Variants in ZZEF1 observed in about 807,000 individuals in gnomAD.
ZZEF1 encodes zinc finger ZZ-type and EF-hand domain-containing protein 1.
ZZEF1 carries 157 observed loss-of-function variants against 342.8 expected under a neutral mutation model. The observed-to-expected ratio is 0.46, with a 90% CI of 0.40 to 0.52. ZZEF1 has a LOEUF of 0.52. Among genes scored for constraint, ZZEF1 ranks in the 20% least tolerant of loss-of-function variants. The pLI, the probability that ZZEF1 is intolerant of heterozygous loss-of-function variation, is 0.00. For synonymous variants in ZZEF1, 1,505 were observed against 1,429.1 expected, an observed-to-expected ratio of 1.05 and a Z score of -1.20; for missense variants, 3,480 against 3,725.6, an observed-to-expected ratio of 0.93 and a Z score of 1.72.
At position 4,017,591 on chromosome 17, in the gene ZZEF1, T is replaced by A; in HGVS notation, c.7781A>T (p.Glu2594Val). 5 of 1,614,192 alleles carry A rather than the reference T, an allele frequency of 3.1e-6. No individual in the cohort carries two copies. Among genetic ancestry groups the A allele is most frequent in the Non-Finnish European group, 4.2e-6 (5 of 1,180,032 alleles). The change falls in exon 48 of 55, where the codon GAG becomes GTG. Residue 2594 changes from glutamate to valine, a missense_variant. By Grantham distance (121) the Glu-to-Val change is moderately radical. This residue lies in a region of ZZEF1 where 1,269 missense variants were observed against 1,342.4 expected (regional missense o/e 0.95). Coordinates refer to ENST00000381638, the MANE Select transcript of ZZEF1 (RefSeq NM_015113.4). This position sits in a 1 kb window ranked among gnomAD's most constrained non-coding sequence, Gnocchi z 5.1. ...RSKSAALLHKELNCKSKRAVR... is the reference protein window; with the variant it reads ...RSKSAALLHKVLNCKSKRAVR... ...AGCCCTCTTACTCTTGCAGTTCAGCTCCTTGTGCAGGAGGGCGGCGCTCTT... is the reference window on the plus strand; with the variant it reads ...AGCCCTCTTACTCTTGCAGTTCAGCACCTTGTGCAGGAGGGCGGCGCTCTT...
At position 4,013,523 on chromosome 17, in the gene ZZEF1, G is replaced by C. The variant is rs779478200; in HGVS notation, c.8505C>G (p.Ala2835=). Residue 2835 remains alanine, a synonymous_variant, in exon 52 of 55, where the codon GCC becomes GCG. Coordinates refer to ENST00000381638, the MANE Select transcript of ZZEF1 (RefSeq NM_015113.4). Reference sequence around the variant, plus strand: ...ATCGTTGATGGCCAGTCTGGCGACAGGCCACGCCCACCAGCCATTCCCAAA... The same window carrying C: ...ATCGTTGATGGCCAGTCTGGCGACACGCCACGCCCACCAGCCATTCCCAAA... The part of the protein sequence containing the change: ...AKIWEWLVGV[A]CRQTGHQRLK... The C allele has an allele frequency of 1.2e-6, 2 of 1,614,040 alleles. No individual in the cohort carries two copies. Among genetic ancestry groups the C allele is most frequent in the Non-Finnish European group, 1.7e-6 (2 of 1,180,014 alleles).
rs1049059083 is a variant in ZZEF1 at position 4,085,781 on chromosome 17, G to C, written c.2535C>G (p.Asp845Glu). 1 of 1,614,110 alleles carries C rather than the reference G, an allele frequency of 6.2e-7. No homozygotes were observed. The highest frequency in any genetic ancestry group is 8.5e-7 in the Non-Finnish European group (1 of 1,180,010). Residue 845 changes from aspartate to glutamate, a missense_variant, in exon 16 of 55, where the codon GAC (aspartate) becomes GAG (glutamate). This residue lies in a region of ZZEF1 where 1,528 missense variants were observed against 1,624.1 expected (regional missense o/e 0.94). Coordinates refer to ENST00000381638, the MANE Select transcript of ZZEF1 (RefSeq NM_015113.4). ...LCDVVDKVDGDSVPMEILKQE... is the reference protein window; with the variant it reads ...LCDVVDKVDGESVPMEILKQE... ...GTTTTAGTATCTCCATGGGCACAGA[G>C]TCTCCATCCACCTTGTCCACCACTG...
At chr17:4,007,045 G>C in intron 54 of ZZEF1, 75 bp from the exon 55 acceptor site, 1 of 1,339,650 alleles carries the variant, frequency 7.5e-7, no homozygotes, top group Non-Finnish European at 1.0e-6. Flanking sequence ...AAGACCCTCA[G>C]CTGAGCACTG....
chr17:4,078,302 C>T (rs1276773960), intron 18 of ZZEF1, among the ~76,000 whole-genome samples: 3 of 152,122 alleles, frequency 2.0e-5, no homozygotes, highest in African/African-American at 7.2e-5. Context: ...GAACCTTACC[C>T]CCCTGGGTAT....
chr17:4,095,759 A>C, intron 11 of ZZEF1, 72 bp downstream of exon 11: 1 of 1,494,648 alleles, frequency 6.7e-7, no homozygotes, highest in East Asian at 2.3e-5. Flanking sequence ...ATGAGCATGA[A>C]TACATTCTTA....
In ZZEF1 at chr17:4,034,055, T is replaced by C. The variant is rs1273785176; in HGVS notation, c.6544A>G (p.Thr2182Ala). The C allele has an allele frequency of 6.2e-7, 1 of 1,614,096 alleles. No homozygotes were observed. Among genetic ancestry groups the C allele is most frequent in the Non-Finnish European group, 8.5e-7 (1 of 1,180,030 alleles). ...GCTCCCAGGCTAAAGAGCAGGTGGG[T>C]GGTTTTCCAGCCATCTGGCACAATG... ...SSIVPDGWKTTHLLFSLGAVC... is the reference protein window; with the variant it reads ...SSIVPDGWKTAHLLFSLGAVC... Residue 2182 changes from threonine (T) to alanine (A), a missense_variant, in exon 40 of 55, where the codon ACC becomes GCC. This residue lies in a region of ZZEF1 where 1,269 missense variants were observed against 1,342.4 expected (regional missense o/e 0.95). Transcript: ENST00000381638.
chr17:4,130,020 G>A (rs927669407), intron 1 of ZZEF1, among the ~76,000 whole-genome samples: 9 of 152,164 alleles, frequency 5.9e-5, no homozygotes, highest in African/African-American at 2.2e-4. Context: ...TAAGGTGGGA[G>A]GGTGAGAGGA....
chr17:4,032,902 A>G lies in ZZEF1; in HGVS notation c.6685T>C (p.Cys2229Arg), dbSNP rs2056579963. The change falls in exon 41 of 55, where the codon TGC (cysteine) becomes CGC (arginine). Residue 2229 changes from cysteine to arginine, a missense_variant. Physicochemically the swap from Cys to Arg is radical, Grantham distance 180. This residue lies in a region of ZZEF1 where 1,269 missense variants were observed against 1,342.4 expected (regional missense o/e 0.95). Coordinates refer to ENST00000381638, the MANE Select transcript of ZZEF1 (RefSeq NM_015113.4). ...RDVIATFTDH[C>R]IKQLPFQLKH... ...AGCTGGAATGGCAGCTGCTTGATGC[A>G]GTGGTCTGTGAAGGTGGCAATGACA... 1 of 1,613,960 alleles carries G rather than the reference A, an allele frequency of 6.2e-7. No individual in the cohort carries two copies. Among genetic ancestry groups the G allele is most frequent in the African/African-American group, 1.3e-5 (1 of 74,926 alleles).
intron 4 of ZZEF1, among the ~76,000 whole-genome samples, chr17:4,113,427 C>A (rs12942513): frequency 0.13 from 20,291 of 152,188 alleles, 1,567 homozygotes; most frequent in East Asian, 0.18. Flanking sequence ...CGGTGGCTCA[C>A]GCCTGTAATC....
intron 13 of ZZEF1, 73 bp from the exon 14 acceptor site, chr17:4,087,607 A>C: frequency 7.6e-7 from 1 of 1,308,154 alleles, no homozygotes; most frequent in Non-Finnish European, 1.1e-6. Flanking sequence ...TGCCTCATTT[A>C]CTTCTAATTG....
chr17:4,069,912 C>T (rs996658737), intron 26 of ZZEF1, among the ~76,000 whole-genome samples: 6 of 152,158 alleles, frequency 3.9e-5, no homozygotes, highest in Non-Finnish European at 7.4e-5. Context: ...TTGCTTCTCC[C>T]GCCTGCGCTG....
intron 9 of ZZEF1, among the ~76,000 whole-genome samples, chr17:4,100,134 T>C (rs144992481): frequency 9.8e-5 from 15 of 152,300 alleles, no homozygotes; most frequent in South Asian, 6.2e-4. Context: ...TTCCCCACTG[T>C]TGGAGAATCA....
At chr17:4,064,874 A>C in intron 28 of ZZEF1, 45 bp from the exon 29 acceptor site, 3 of 1,187,192 alleles carry the variant, frequency 2.5e-6, no homozygotes, top group Non-Finnish European at 3.5e-6. Context: ...AAAAGTTAAA[A>C]TTATGGGGGA....
chr17:4,074,079 C>A, intron 24 of ZZEF1, 71 bp downstream of exon 24: 1 of 1,564,274 alleles, frequency 6.4e-7, no homozygotes, highest in Non-Finnish European at 8.7e-7. Flanking sequence ...AAACGACCTA[C>A]AAGAGGGCAA....
At chr17:4,073,430 C>A (rs1301459541) in intron 24 of ZZEF1, among the ~76,000 whole-genome samples, 1 of 150,476 alleles carries the variant, frequency 6.6e-6, no homozygotes, top group Non-Finnish European at 1.5e-5. Context: ...CTGAACACAT[C>A]TTTTTCCTTT....
intron 28 of ZZEF1, 149 bp downstream of exon 28, chr17:4,066,298 T>A (rs529246898): frequency 1.4e-6 from 1 of 694,118 alleles, no homozygotes; most frequent in Non-Finnish European, 2.5e-6. Flanking sequence ...TTATGATACA[T>A]CCTTGGATAC....
At chr17:4,044,451 G>T in intron 37 of ZZEF1, 77 bp from the exon 38 acceptor site, 1 of 1,371,258 alleles carries the variant, frequency 7.3e-7, no homozygotes, top group Non-Finnish European at 9.9e-7. Flanking sequence ...ACTTTTTAAT[G>T]ATTAGCCAGT....
At chr17:4,085,881 A>G in intron 15 of ZZEF1, 78 bp from the exon 16 acceptor site, 1 of 1,549,142 alleles carries the variant, frequency 6.5e-7, no homozygotes, top group Non-Finnish European at 8.8e-7. Flanking sequence ...TAGCCTATAA[A>G]TTCACTACTC....
At chr17:4,085,556 A>G (rs938143119) in intron 16 of ZZEF1, 114 bp downstream of exon 16, 4 of 1,318,038 alleles carry the variant, frequency 3.0e-6, no homozygotes, top group Non-Finnish European at 4.2e-6. Flanking sequence ...TGCATATAAT[A>G]TTAATACACA....
Sources: allele counts gnomAD v4.1 joint callset (sites outside exome capture counted in the v4.1 genomes callset), GRCh38; gene constraint gnomAD v4.1.1; regional missense constraint gnomAD v4.1.1; non-coding constraint Gnocchi (gnomAD v3.1); transcripts MANE v1.5; gene names NCBI Gene and HGNC (gene_info 2026-07-23, HGNC 2026-07-21).